Variants in AFDN observed in about 807,000 individuals in gnomAD.
The protein encoded by AFDN is afadin.
In AFDN, 68 loss-of-function variants were observed where a neutral mutation model predicts 216.6. The observed-to-expected ratio is 0.31, with a 90% CI of 0.26 to 0.38. AFDN has a LOEUF of 0.38. AFDN is among the 10% of genes least tolerant of loss of function. The probability of loss-of-function intolerance (pLI) is 1.00; values close to 1 mark genes in which losing one functional copy is unlikely to be tolerated. For missense variants in AFDN, 2,136 were observed against 2,342.0 expected, an observed-to-expected ratio of 0.91 and a Z score of 1.82; for synonymous variants, 868 against 853.7, an observed-to-expected ratio of 1.02 and a Z score of -0.29.
chr6:167,943,902 G>T, intron 25 of AFDN, 39 bp from the exon 26 acceptor site: 3 of 1,556,194 alleles, frequency 1.9e-6, no homozygotes, highest in Non-Finnish European at 2.7e-6. Context: ...CAGGCACTGC[G>T]TTTTAGTCTT....
At chr6:167,963,317 A>G in intron 31 of AFDN, 1 of 1,061,666 alleles carries the variant, frequency 9.4e-7, no homozygotes, top group African/African-American at 1.6e-5. Context: ...TCCCGAGGGG[A>G]CTGCGTGTTG....
At chr6:167,969,665 G>A (rs1562361998) in intron 33 of AFDN, 117 bp from the exon 34 acceptor site, 6 of 973,610 alleles carry the variant, frequency 6.2e-6, no homozygotes, top group Non-Finnish European at 9.0e-6. Context: ...AAAGGTTATA[G>A]CACAATTTAA....
Position 167,969,171 on chromosome 6 carries a change from G to C in AFDN, c.5315G>C (p.Arg1772Pro). 6.2e-7 allele frequency: 1 copy of C among 1,613,900 alleles called. No individual in the cohort carries two copies. The highest frequency in any genetic ancestry group is 8.5e-7 in the Non-Finnish European group (1 of 1,179,840). The stretch of plus-strand genomic sequence containing the variant: ...GCTGTTGGAGCCCATGACGCCTGTC[G>C]GGATGCAAAAGAGAAGCGCTCTAAA... ...GAAVGAHDAC[R>P]DAKEKRSKSQ... Residue 1772 changes from arginine to proline, a missense_variant, in exon 33 of 34, where the codon CGG (arginine) becomes CCG (proline). Around this residue, in one of 8 missense-constraint regions of AFDN, gnomAD observed 981 missense variants for 966.0 expected, o/e 1.02. Coordinates refer to ENST00000683244, the MANE Select transcript of AFDN (RefSeq NM_001386888.1).
intron 1 of AFDN, among the ~76,000 whole-genome samples, chr6:167,834,843 A>C (rs1229856233): frequency 6.6e-6 from 1 of 152,058 alleles, no homozygotes; most frequent in Non-Finnish European, 1.5e-5. Context: ...ATTAACAAGC[A>C]GGGTGGCACA....
At chr6:167,950,464 CT>C (rs1471711778) in intron 29 of AFDN, among the ~76,000 whole-genome samples, 2 of 151,900 alleles carry the variant, frequency 1.3e-5, no homozygotes, top group African/African-American at 4.8e-5. Flanking sequence ...ACACATACCC[CT>C]ACCTTTGTGT....
intron 1 of AFDN, among the ~76,000 whole-genome samples, chr6:167,839,396 T>A (rs1438247866): frequency 1.3e-5 from 2 of 152,182 alleles, no homozygotes; most frequent in Admixed American, 6.5e-5. Context: ...CTATTAAAAT[T>A]ATGGACATTT....
At chr6:167,923,014 T>C in intron 22 of AFDN, 55 bp downstream of exon 22, 1 of 1,243,082 alleles carries the variant, frequency 8.0e-7, no homozygotes, top group Non-Finnish European at 1.2e-6. Flanking sequence ...CTTGAAGATG[T>C]GATGCAGATT....
intron 12 of AFDN, among the ~76,000 whole-genome samples, chr6:167,905,969 G>A (rs1156714440): frequency 1.3e-5 from 2 of 152,172 alleles, no homozygotes; most frequent in Non-Finnish European, 2.9e-5. Context: ...GCCGGGCGTG[G>A]TGGCGGGCGC....
chr6:167,905,900 T>C (rs1029169490), intron 12 of AFDN, among the ~76,000 whole-genome samples: 1 of 152,128 alleles, frequency 6.6e-6, no homozygotes, highest in African/African-American at 2.4e-5. Context: ...AGTCAGGAGA[T>C]CGAGACCATC....
chr6:167,906,307 A>T (rs1336350297), intron 12 of AFDN, among the ~76,000 whole-genome samples: 2 of 152,346 alleles, frequency 1.3e-5, no homozygotes, highest in Admixed American at 6.5e-5. Flanking sequence ...GTGATATTGT[A>T]AGATGTTTGT....
At chr6:167,960,394 T>C (rs1796922053) in intron 30 of AFDN, among the ~76,000 whole-genome samples, 1 of 74,446 alleles carries the variant, frequency 1.3e-5, no homozygotes, top group Non-Finnish European at 2.4e-5. Context: ...TTATAAAAAA[T>C]TATGAAAATA....
chr6:167,869,956 T>C (rs1395674067), intron 2 of AFDN, among the ~76,000 whole-genome samples: 2 of 152,126 alleles, frequency 1.3e-5, no homozygotes, highest in Admixed American at 6.5e-5. Flanking sequence ...CATCGCTTTG[T>C]GTGGGGTATA....
chr6:167,864,824 C>T, intron 2 of AFDN, 78 bp downstream of exon 2: 1 of 1,424,682 alleles, frequency 7.0e-7, no homozygotes, highest in Non-Finnish European at 9.9e-7. Context: ...TCATTGTGGT[C>T]ATGTCAGGTT....
At chr6:167,869,590 T>G (rs1010735272) in intron 2 of AFDN, among the ~76,000 whole-genome samples, 1 of 152,130 alleles carries the variant, frequency 6.6e-6, no homozygotes, top group African/African-American at 2.4e-5. Flanking sequence ...GCTTCCTTAG[T>G]GTTCTCCAGC....
chr6:167,846,204 G>A (rs966620695), intron 1 of AFDN, among the ~76,000 whole-genome samples: 1 of 151,766 alleles, frequency 6.6e-6, no homozygotes, highest in Admixed American at 6.6e-5. Context: ...GAGCTTGGGC[G>A]GTCTTTTTTT....
At chr6:167,925,464 G>T (rs1792396209) in intron 23 of AFDN, among the ~76,000 whole-genome samples, 2 of 152,142 alleles carry the variant, frequency 1.3e-5, no homozygotes, top group South Asian at 4.2e-4. Flanking sequence ...CCTCATCATA[G>T]TGGGCCACTG....
At chr6:167,910,580 G>C (rs1455582610) in intron 13 of AFDN, among the ~76,000 whole-genome samples, 2 of 152,196 alleles carry the variant, frequency 1.3e-5, no homozygotes, top group African/African-American at 4.8e-5. Flanking sequence ...ATGCGTCACT[G>C]TAAGCATTGG....
At position 167,890,876 on chromosome 6, in the gene AFDN, C is replaced by A; in HGVS notation, c.1024C>A (p.Gln342Lys). Reference sequence around the variant, plus strand: ...TGCTGTTCTAGGGATTTTAGTCTTTCAGTTGAAGAGGAGGCCACCAGACCA... The same window carrying A: ...TGCTGTTCTAGGGATTTTAGTCTTTAAGTTGAAGAGGAGGCCACCAGACCA... ...WPSDKGILVF[Q>K]LKRRPPDHIP... The change falls in exon 8 of 34, where the codon CAG becomes AAG. Residue 342 changes from glutamine to lysine, a missense_variant. Around this residue, in one of 8 missense-constraint regions of AFDN, gnomAD observed 817 missense variants for 965.7 expected, o/e 0.85. Transcript: ENST00000683244. 1 of 1,612,562 alleles carries A rather than the reference C, an allele frequency of 6.2e-7. No homozygotes were observed. The highest frequency in any genetic ancestry group is 8.5e-7 in the Non-Finnish European group (1 of 1,179,256).
chr6:167,837,384 C>CTTT (rs544869303), intron 1 of AFDN, among the ~76,000 whole-genome samples: 2 of 124,266 alleles, frequency 1.6e-5, no homozygotes, highest in East Asian at 4.7e-4. Flanking sequence ...GCTTTTCAGG[C>CTTT]TTTTTTTTTT....
Sources: allele counts gnomAD v4.1 joint callset (sites outside exome capture counted in the v4.1 genomes callset), GRCh38; gene constraint gnomAD v4.1.1; regional missense constraint gnomAD v4.1.1; transcripts MANE v1.5; gene names NCBI Gene and HGNC (gene_info 2026-07-23, HGNC 2026-07-21).